Variants in MMP16 observed in about 807,000 individuals in gnomAD.
MMP16 encodes matrix metallopeptidase 16.
Under a neutral mutation model 67.8 loss-of-function variants are expected in MMP16, and 12 were observed. The ratio of observed to expected loss-of-function variants is 0.18; its 90% CI spans 0.11 to 0.29. The LOEUF (loss-of-function observed/expected upper bound fraction) is 0.29, where lower values mean the gene tolerates loss of function less well. MMP16 is among the 10% of genes least tolerant of loss of function. The pLI, the probability that MMP16 is intolerant of heterozygous loss-of-function variation, is 1.00. For missense variants in MMP16, 475 were observed against 765.7 expected (o/e 0.62, Z 4.48); for synonymous variants, 249 against 255.9 (o/e 0.97, Z 0.26).
intron 1 of MMP16, among the ~76,000 whole-genome samples, chr8:88,204,147 C>T (rs779912655): frequency 2.6e-5 from 4 of 151,924 alleles, no homozygotes; most frequent in Non-Finnish European, 5.9e-5. Context: ...AATAATCTGC[C>T]GAAAGAACAG....
At chr8:88,290,625 T>G (rs1422644098) in intron 1 of MMP16, among the ~76,000 whole-genome samples, 1 of 152,150 alleles carries the variant, frequency 6.6e-6, no homozygotes, top group Non-Finnish European at 1.5e-5. Context: ...TTGCCTAAGC[T>G]GGAGTGCAGT....
At chr8:88,230,676 T>G (rs1301486055) in intron 1 of MMP16, among the ~76,000 whole-genome samples, 1 of 152,124 alleles carries the variant, frequency 6.6e-6, no homozygotes, top group African/African-American at 2.4e-5. Context: ...ATAAGCTATT[T>G]AAAGTTTGCA....
chr8:88,180,036 C>T (rs1808953677), intron 3 of MMP16, among the ~76,000 whole-genome samples: 1 of 152,162 alleles, frequency 6.6e-6, no homozygotes, highest in Admixed American at 6.5e-5. Context: ...AATCCCAGCA[C>T]TTTGGGAGGC....
At chr8:88,042,802 C>T (rs1308406916) in intron 9 of MMP16, among the ~76,000 whole-genome samples, 1 of 152,076 alleles carries the variant, frequency 6.6e-6, no homozygotes, top group African/African-American at 2.4e-5. Flanking sequence ...GGTCTATTCT[C>T]CAAATTTTAT....
At chr8:88,260,119 A>G (rs1810363865) in intron 1 of MMP16, among the ~76,000 whole-genome samples, 1 of 152,220 alleles carries the variant, frequency 6.6e-6, no homozygotes, top group Non-Finnish European at 1.5e-5. Context: ...GAAATATACC[A>G]GTAAGAAGAC....
At chr8:88,083,050 T>C (rs1808779750) in intron 6 of MMP16, among the ~76,000 whole-genome samples, 2 of 151,996 alleles carry the variant, frequency 1.3e-5, no homozygotes, top group South Asian at 4.1e-4. Context: ...GGATTTCTGG[T>C]ATTATAAATT....
chr8:88,327,118 A>G lies in MMP16; in HGVS notation c.89T>C (p.Leu30Ser). ...CTCCGTTCCGCAGACTGTAGCACATAAAATCCAAAGCAAGGTTTGCAAGAA... is the reference window on the plus strand; with the variant it reads ...CTCCGTTCCGCAGACTGTAGCACATGAAATCCAAAGCAAGGTTTGCAAGAA... The part of the protein sequence containing the change: ...VFFLQTLLWI[L>S]CATVCGTEQY... The change falls in exon 1 of 10, where the codon TTA (leucine) becomes TCA (serine). Residue 30 changes from leucine (L) to serine (S), a missense_variant. This residue lies in a region of MMP16 where 170 missense variants were observed against 239.6 expected (regional missense o/e 0.71). Transcript: ENST00000286614. 1 of 1,614,128 alleles carries G rather than the reference A, an allele frequency of 6.2e-7. No homozygotes were observed. Among genetic ancestry groups the G allele is most frequent in the Non-Finnish European group, 8.5e-7 (1 of 1,180,010 alleles).
chr8:88,062,675 G>A (rs994402431), intron 7 of MMP16, among the ~76,000 whole-genome samples: 5 of 151,816 alleles, frequency 3.3e-5, no homozygotes, highest in Non-Finnish European at 7.4e-5. Flanking sequence ...GGGGAGTGGG[G>A]AGGGATAGCA....
chr8:88,149,228 T>C (rs949791722), intron 4 of MMP16, among the ~76,000 whole-genome samples: 2 of 152,186 alleles, frequency 1.3e-5, no homozygotes, highest in Admixed American at 1.3e-4. Flanking sequence ...GGAATCTCGC[T>C]GATTGCTAGC....
At chr8:88,149,874 T>C (rs879162796) in intron 4 of MMP16, among the ~76,000 whole-genome samples, 6 of 148,782 alleles carry the variant, frequency 4.0e-5, no homozygotes, top group African/African-American at 7.4e-5. Flanking sequence ...ATGACTTTGA[T>C]GAGCTGAGAG....
At chr8:88,308,518 A>G (rs1811245822) in intron 1 of MMP16, among the ~76,000 whole-genome samples, 1 of 152,092 alleles carries the variant, frequency 6.6e-6, no homozygotes. Flanking sequence ...TACATTCTAT[A>G]GTAGTTAGTT....
chr8:88,033,814 CTT>C lies in MMP16; in HGVS notation c.*7645_*7646del, dbSNP rs905459617. 1 of 151,998 alleles carries C rather than the reference CTT, an allele frequency of 6.6e-6. No individual in the cohort carries two copies. The highest frequency in any genetic ancestry group is 2.4e-5 in the African/African-American group (1 of 41,386). The allele number at this position is 151,998 out of a possible 1,614,324, so 9.4% of individuals were successfully genotyped here. ...AGCTGCCTCTGTAACACCCCTAATT[CTT>C]TGATTCTATCTCTCTTTCTAATATA... is the stretch of plus-strand genomic sequence containing the variant. On this transcript the variant is annotated 3_prime_UTR_variant, in exon 10 of 10. Coordinates refer to ENST00000286614, the MANE Select transcript of MMP16 (RefSeq NM_005941.5).
chr8:88,084,807 T>C (rs1048983296), intron 6 of MMP16, among the ~76,000 whole-genome samples: 1 of 152,004 alleles, frequency 6.6e-6, no homozygotes, highest in African/African-American at 2.4e-5. Context: ...GTAACTACAT[T>C]ATGAAAAAAT....
chr8:88,176,482 T>C (rs368569404), intron 3 of MMP16, among the ~76,000 whole-genome samples: 1 of 152,208 alleles, frequency 6.6e-6, no homozygotes, highest in Non-Finnish European at 1.5e-5. Flanking sequence ...AAAAGGACAG[T>C]ATCTAAAATG....
intron 6 of MMP16, 88 bp downstream of exon 6, chr8:88,116,419 T>C: frequency 1.8e-6 from 2 of 1,111,260 alleles, no homozygotes; most frequent in Non-Finnish European, 2.6e-6. Context: ...GCTGGGAAGG[T>C]AGTGTTAGAA....
At chr8:88,087,550 T>C (rs1808855034) in intron 6 of MMP16, among the ~76,000 whole-genome samples, 1 of 151,768 alleles carries the variant, frequency 6.6e-6, no homozygotes, top group South Asian at 2.1e-4. Context: ...TGGTCTTCAA[T>C]CAGACATGTT....
chr8:88,161,561 C>G (rs1050409134), intron 4 of MMP16, among the ~76,000 whole-genome samples: 4 of 151,998 alleles, frequency 2.6e-5, no homozygotes, highest in African/African-American at 9.7e-5. Context: ...TTCAGTTCTT[C>G]TCTGATCTTA....
intron 4 of MMP16, among the ~76,000 whole-genome samples, chr8:88,148,792 C>G (rs1467854337): frequency 1.0e-5 from 1 of 100,494 alleles, no homozygotes; most frequent in African/African-American, 3.0e-5. Context: ...CAAGAGTTTT[C>G]TTTTAAAATC....
At chr8:88,265,192 T>C (rs1810454967) in intron 1 of MMP16, among the ~76,000 whole-genome samples, 1 of 146,286 alleles carries the variant, frequency 6.8e-6, no homozygotes, top group Non-Finnish European at 1.5e-5. Context: ...AGCCCTCAAG[T>C]AGACAAACTA....
Sources: allele counts gnomAD v4.1 joint callset (sites outside exome capture counted in the v4.1 genomes callset), GRCh38; gene constraint gnomAD v4.1.1; regional missense constraint gnomAD v4.1.1; transcripts MANE v1.5; gene names NCBI Gene and HGNC (gene_info 2026-07-23, HGNC 2026-07-21).